Variants in DCC observed in about 807,000 individuals in gnomAD.
The protein encoded by DCC is netrin receptor DCC.
Under a neutral mutation model 172.5 loss-of-function variants are expected in DCC, and 58 were observed. The ratio of observed to expected loss-of-function variants is 0.34; its 90% CI spans 0.27 to 0.42. The LOEUF is 0.42. DCC is among the 10% of genes least tolerant of loss of function. The probability of loss-of-function intolerance (pLI) is 1.00; values close to 1 mark genes in which losing one functional copy is unlikely to be tolerated. For synonymous variants in DCC, 709 were observed against 644.5 expected (o/e 1.10, Z -1.52); for missense variants, 1,740 against 1,791.0 (o/e 0.97, Z 0.51).
intron 12 of DCC, among the ~76,000 whole-genome samples, chr18:53,220,518 T>A (rs1164650158): frequency 2.6e-5 from 4 of 152,166 alleles, no homozygotes; most frequent in Admixed American, 2.0e-4. Context: ...TCCTCACAAA[T>A]GTAGTAGGTT....
chr18:52,382,042 C>A (rs1985609101), intron 1 of DCC, among the ~76,000 whole-genome samples: 1 of 152,132 alleles, frequency 6.6e-6, no homozygotes, highest in African/African-American at 2.4e-5. Context: ...GGATCTAAGA[C>A]TGACTCCCTA....
intron 1 of DCC, among the ~76,000 whole-genome samples, chr18:52,418,594 A>T (rs775957050): frequency 3.3e-5 from 5 of 152,184 alleles, no homozygotes; most frequent in Non-Finnish European, 4.4e-5. Context: ...AGATGGGGAC[A>T]GAAGGTTGAG....
chr18:53,235,149 G>T (rs1231253881), intron 12 of DCC, among the ~76,000 whole-genome samples: 1 of 152,148 alleles, frequency 6.6e-6, no homozygotes, highest in Admixed American at 6.5e-5. Context: ...TCAAGTAGAG[G>T]TTCTCAGGTG....
At chr18:53,131,555 T>A (rs1342802652) in intron 7 of DCC, among the ~76,000 whole-genome samples, 1 of 152,110 alleles carries the variant, frequency 6.6e-6, no homozygotes, top group Non-Finnish European at 1.5e-5. Context: ...GCTTTGTGTG[T>A]GATGGTTGAT....
intron 26 of DCC, among the ~76,000 whole-genome samples, chr18:53,496,007 G>A (rs1463523195): frequency 6.6e-6 from 1 of 152,188 alleles, no homozygotes; most frequent in Admixed American, 6.5e-5. Flanking sequence ...GCACCTGGGG[G>A]AAGGGGCAGC....
At chr18:52,983,747 A>T (rs72928191) in intron 5 of DCC, among the ~76,000 whole-genome samples, 3,246 of 152,300 alleles carry the variant, frequency 0.021, 59 homozygotes, top group Admixed American at 0.039. Flanking sequence ...CTCTGCCTAG[A>T]GCAGTCTGGA....
chr18:53,484,047 A>G (rs952162621), intron 25 of DCC, among the ~76,000 whole-genome samples: 1 of 151,922 alleles, frequency 6.6e-6, no homozygotes, highest in Non-Finnish European at 1.5e-5. Context: ...AATGAGTACT[A>G]TAACAATGAG....
intron 1 of DCC, among the ~76,000 whole-genome samples, chr18:52,681,909 C>T (rs1382409426): frequency 6.6e-6 from 1 of 151,928 alleles, no homozygotes; most frequent in African/African-American, 2.4e-5. Flanking sequence ...AAAAAAAATG[C>T]TGCAATTATA....
chr18:52,883,084 T>C (rs975619471), intron 2 of DCC, among the ~76,000 whole-genome samples: 1 of 152,118 alleles, frequency 6.6e-6, no homozygotes, highest in Non-Finnish European at 1.5e-5. Flanking sequence ...TGCTCTTTTT[T>C]TGTCTTCATT....
intron 3 of DCC, among the ~76,000 whole-genome samples, chr18:52,920,362 A>G (rs1399213122): frequency 6.6e-6 from 1 of 152,178 alleles, no homozygotes; most frequent in East Asian, 1.9e-4. Context: ...AAAAGGAAAG[A>G]AATAAATTTA....
chr18:53,221,971 A>G (rs1006797110), intron 12 of DCC, among the ~76,000 whole-genome samples: 1 of 152,216 alleles, frequency 6.6e-6, no homozygotes, highest in African/African-American at 2.4e-5. Flanking sequence ...ACATAAACAT[A>G]GGATTGTTCC....
intron 1 of DCC, among the ~76,000 whole-genome samples, chr18:52,660,532 T>C (rs2035340065): frequency 6.6e-6 from 1 of 152,132 alleles, no homozygotes; most frequent in Admixed American, 6.5e-5. Context: ...GAAGAATGAA[T>C]CTGAGGGAGT....
intron 12 of DCC, among the ~76,000 whole-genome samples, chr18:53,284,280 G>A (rs1277430718): frequency 6.6e-6 from 1 of 152,152 alleles, no homozygotes; most frequent in Non-Finnish European, 1.5e-5. Context: ...GGATAGATAT[G>A]GCTTTGCTGT....
intron 22 of DCC, among the ~76,000 whole-genome samples, chr18:53,449,812 A>C (rs1179096342): frequency 6.6e-6 from 1 of 152,160 alleles, no homozygotes; most frequent in Non-Finnish European, 1.5e-5. Flanking sequence ...CAGTGTATTC[A>C]TAAGCTTGGG....
intron 13 of DCC, among the ~76,000 whole-genome samples, chr18:53,310,381 T>A (rs148714958): frequency 6.6e-6 from 1 of 152,276 alleles, no homozygotes; most frequent in Admixed American, 6.5e-5. Context: ...AATTGGAAAT[T>A]TCAGAATGCT....
intron 27 of DCC, among the ~76,000 whole-genome samples, chr18:53,523,614 T>C (rs2046423918): frequency 6.6e-6 from 1 of 152,102 alleles, no homozygotes. Flanking sequence ...TGCAGGGACA[T>C]GGATGAGACT....
At chr18:53,045,644 A>G (rs1406719783) in intron 5 of DCC, among the ~76,000 whole-genome samples, 1 of 151,886 alleles carries the variant, frequency 6.6e-6, no homozygotes, top group African/African-American at 2.4e-5. Flanking sequence ...TTAATAGTCA[A>G]TGAAAATCCC....
intron 5 of DCC, among the ~76,000 whole-genome samples, chr18:53,049,942 T>G (rs7506999): frequency 0.64 from 96,731 of 151,976 alleles, 31,670 homozygotes; most frequent in African/African-American, 0.74. Context: ...CAGTGGCTCA[T>G]TCCGAGTCCA....
intron 2 of DCC, among the ~76,000 whole-genome samples, chr18:52,762,357 C>T (rs2037175304): frequency 6.6e-6 from 1 of 151,964 alleles, no homozygotes. Context: ...GCCTGTAGTC[C>T]CAGCTACTTG....
Sources: gnomAD v4.1 joint callset for allele counts (sites outside exome capture counted in the v4.1 genomes callset) on GRCh38, gnomAD v4.1.1 for gene constraint, MANE v1.5 for transcripts, NCBI Gene and HGNC (gene_info 2026-07-23, HGNC 2026-07-21) for gene names.